NEIL1: variants seen among roughly 807,000 people sequenced by gnomAD.
NEIL1 encodes the protein nei like DNA glycosylase 1.
NEIL1 carries 31 observed loss-of-function variants against 44.2 expected under a neutral mutation model. That is an observed-to-expected ratio of 0.70 (90% CI 0.53 to 0.95). NEIL1 has a LOEUF of 0.95. NEIL1 is among the 40% of genes least tolerant of loss of function. The probability of loss-of-function intolerance (pLI) is 0.00; values close to 1 mark genes in which losing one functional copy is unlikely to be tolerated. For missense variants in NEIL1, 549 were observed against 515.5 expected, an observed-to-expected ratio of 1.07 and a Z score of -0.63; for synonymous variants, 254 against 209.7, an observed-to-expected ratio of 1.21 and a Z score of -1.83.
At chr15:75,348,536 G>A (rs749450309) in intron 1 of NEIL1, 6 of 1,155,294 alleles carry the variant, frequency 5.2e-6, no homozygotes, top group East Asian at 5.4e-5. Flanking sequence ...GGGCCAAGGC[G>A]GAGATGAGAT....
At position 75,348,880 on chromosome 15, in the gene NEIL1, ACAGGACTCTG is replaced by A. The variant is rs762448798; in HGVS notation, c.-22-2_-15del. ...GCTCAACCCGCTGCCTTCCTCCCCA[ACAGGACTCTG>A]CCACCCTCCCTCAGGATGCCTGAGG... On this transcript the variant is annotated splice_acceptor_variant and splice_polypyrimidine_tract_variant and 5_prime_UTR_variant and intron_variant, in exon 2 of 10. Coordinates refer to ENST00000355059, the MANE Select transcript of NEIL1 (RefSeq NM_024608.4). LOFTEE classifies it low-confidence loss of function (5UTR_SPLICE). The A allele has an allele frequency of 6.2e-7, 1 of 1,605,144 alleles. No homozygotes were observed. Among genetic ancestry groups the A allele is most frequent in the African/African-American group, 1.3e-5 (1 of 74,906 alleles).
Position 75,355,886 on chromosome 15 carries a change from A to C in NEIL1, c.*852A>C. The C allele has an allele frequency of 6.2e-7, 1 of 1,612,992 alleles. No individual in the cohort carries two copies. Among genetic ancestry groups the C allele is most frequent in the Middle Eastern group, 1.7e-4 (1 of 6,056 alleles). On this transcript the variant is annotated 3_prime_UTR_variant, in exon 10 of 10. Transcript: ENST00000355059. ...GGAGTCCCCAGAGCCTTCTACAAAC[A>C]AAACCCCAGCCCCAGGGACTCAGTG...
intron 4 of NEIL1, 60 bp from the exon 5 acceptor site, chr15:75,352,542 G>A (rs552351710): frequency 1.7e-5 from 27 of 1,565,742 alleles, no homozygotes; most frequent in Non-Finnish European, 2.0e-5. Flanking sequence ...TCAGAGAGAA[G>A]GTCAGCTGCC....
At position 75,352,674 on chromosome 15, in the gene NEIL1, T is replaced by G. The variant is rs1221555207; in HGVS notation, c.691T>G (p.Ser231Ala). The G allele has an allele frequency of 1.2e-6, 2 of 1,612,652 alleles. No individual in the cohort carries two copies. Among genetic ancestry groups the G allele is most frequent in the African/African-American group, 1.3e-5 (1 of 74,884 alleles). The change falls in exon 5 of 10, where the codon TCA becomes GCA. Residue 231 changes from serine to alanine, a missense_variant. Transcript: ENST00000355059. ...TCCAGACCTGCTGGAGCTATGTCAC[T>G]CAGTGCCCAAGGAAGTGGTCCAGTT... is the stretch of plus-strand genomic sequence containing the variant. Reference protein sequence around the residue: ...QNPDLLELCHSVPKEVVQLGG... With the variant: ...QNPDLLELCHAVPKEVVQLGG...
rs1439941660 is a variant in NEIL1, at chr15:75,356,717, T to C, written c.*1683T>C. ...TGAGGAGGGCGCGTAGGGGCCACGCTGAAGCTGTTGGAGTTGTGGTCGGGA... is the reference window on the plus strand; with the variant it reads ...TGAGGAGGGCGCGTAGGGGCCACGCCGAAGCTGTTGGAGTTGTGGTCGGGA... On this transcript the variant is annotated 3_prime_UTR_variant, in exon 10 of 10. Transcript: ENST00000355059. The surrounding 1 kb of genome is among the most constrained non-coding windows in gnomAD (Gnocchi z 5.8). 1.4e-5 allele frequency: 22 copies of C among 1,611,942 alleles called. No individual in the cohort carries two copies. The highest frequency in any genetic ancestry group is 1.7e-5 in the Non-Finnish European group (20 of 1,178,988).
chr15:75,352,491 A>C, intron 4 of NEIL1, 104 bp downstream of exon 4: 1 of 1,532,102 alleles, frequency 6.5e-7, no homozygotes, highest in Non-Finnish European at 9.0e-7. Flanking sequence ...GCTCAACAAC[A>C]GGGGTGGGGA....
At chr15:75,353,988 TC>T (rs1284181186) in intron 6 of NEIL1, 122 bp downstream of exon 6, 2 of 1,343,294 alleles carry the variant, frequency 1.5e-6, no homozygotes, top group Non-Finnish European at 1.0e-6. Flanking sequence ...ACCACACTGT[TC>T]CTGAGGGTCA....
In NEIL1 at chr15:75,355,204, T is replaced by A; in HGVS notation, c.*170T>A. The A allele has an allele frequency of 1.6e-6, 1 of 608,816 alleles. No individual in the cohort carries two copies. Among genetic ancestry groups the A allele is most frequent in the East Asian group, 2.9e-5 (1 of 34,814 alleles). The allele number at this position is 608,816 out of a possible 1,614,324, so 37.7% of individuals were successfully genotyped here. A position where few individuals can be genotyped will look rare whatever the true frequency, so the allele number is the denominator to read the frequency against. On this transcript the variant is annotated 3_prime_UTR_variant, in exon 10 of 10. Coordinates refer to ENST00000355059, the MANE Select transcript of NEIL1 (RefSeq NM_024608.4). Reference sequence around the variant, plus strand: ...ACCCCATCTTCCACATCTTTAAAGCTCATGTGAAAAATGCTGCATTTTTAA... The same window carrying A: ...ACCCCATCTTCCACATCTTTAAAGCACATGTGAAAAATGCTGCATTTTTAA...
chr15:75,349,586 CG>C (rs1188795723), intron 2 of NEIL1: 1 of 517,920 alleles, frequency 1.9e-6, no homozygotes, highest in African/African-American at 1.9e-5. Context: ...GAAGCCGAGG[CG>C]GGCAGATCAC....
chr15:75,356,468 A>T lies in NEIL1; in HGVS notation c.*1434A>T. ...AAAGAGCCTGGGGTACGACCAGGAA[A>T]CAATGCTGGTGGAGAATGGGGGCTA... is the stretch of plus-strand genomic sequence containing the variant. On this transcript the variant is annotated 3_prime_UTR_variant, in exon 10 of 10. Transcript: ENST00000355059. This position sits in a 1 kb window ranked among gnomAD's most constrained non-coding sequence, Gnocchi z 5.8. The T allele has an allele frequency of 6.3e-7, 1 of 1,585,236 alleles. No homozygotes were observed. Among genetic ancestry groups the T allele is most frequent in the Non-Finnish European group, 8.6e-7 (1 of 1,167,322 alleles).
chr15:75,353,639 C>T (rs778589593), intron 5 of NEIL1, 100 bp from the exon 6 acceptor site: 45 of 1,271,506 alleles, frequency 3.5e-5, no homozygotes, highest in Admixed American at 8.4e-5. Context: ...CTCAGTCCAT[C>T]AGCTTGTGTA....
In NEIL1 at chr15:75,356,370, T is replaced by C. The variant is rs987455001; in HGVS notation, c.*1336T>C. On this transcript the variant is annotated 3_prime_UTR_variant, in exon 10 of 10. Coordinates refer to ENST00000355059, the MANE Select transcript of NEIL1 (RefSeq NM_024608.4). The surrounding 1 kb of genome is among the most constrained non-coding windows in gnomAD (Gnocchi z 5.8). Reference sequence around the variant, plus strand: ...ACGCACTCCAGGAGGTGGCGGGCGCTGGGCTGGGGGCTGGCAGAGCCAACA... The same window carrying C: ...ACGCACTCCAGGAGGTGGCGGGCGCCGGGCTGGGGGCTGGCAGAGCCAACA... The C allele has an allele frequency of 6.8e-6, 11 of 1,611,488 alleles. No homozygotes were observed. The highest frequency in any genetic ancestry group is 3.4e-5 in the Admixed American group (2 of 59,612).
At chr15:75,348,053 G>C in intron 1 of NEIL1, 1 of 1,078,710 alleles carries the variant, frequency 9.3e-7, no homozygotes, top group Non-Finnish European at 1.2e-6. Flanking sequence ...CCCCACCCCA[G>C]GGACCAGGCG....
In NEIL1 at chr15:75,352,338, C is replaced by A. The variant is rs144060219; in HGVS notation, c.569C>A (p.Pro190His). The A allele has an allele frequency of 3.0e-5, 48 of 1,614,190 alleles. No individual in the cohort carries two copies. Among genetic ancestry groups the A allele is most frequent in the East Asian group, 1.8e-4 (8 of 44,888 alleles). Reference protein sequence around the residue: ...AEILYRLKIPPFEKARSVLEA... With the variant: ...AEILYRLKIPHFEKARSVLEA... The stretch of plus-strand genomic sequence containing the variant: ...CCCCACTACAGGCTGAAGATCCCCC[C>A]CTTTGAGAAGGCCCGCTCGGTCCTG... The change falls in exon 4 of 10, where the codon CCC (proline) becomes CAC (histidine). Residue 190 changes from proline (P) to histidine (H), a missense_variant. By Grantham distance (77) the Pro-to-His change is moderately conservative (BLOSUM62 -2). Transcript: ENST00000355059.
intron 2 of NEIL1, among the ~76,000 whole-genome samples, chr15:75,351,751 T>G (rs1005189934): frequency 6.6e-5 from 10 of 152,008 alleles, no homozygotes; most frequent in African/African-American, 2.4e-4. Context: ...GCCTCCCAAG[T>G]AGCTGGGATT....
At chr15:75,348,029 G>A (rs1207401390) in intron 1 of NEIL1, 1 of 1,157,046 alleles carries the variant, frequency 8.6e-7, no homozygotes. Context: ...GGGCGGAGGT[G>A]AGGAGTCGAT....
chr15:75,349,297 C>T lies in NEIL1; in HGVS notation c.392C>T (p.Pro131Leu), dbSNP rs771218669. 4.3e-6 allele frequency: 7 copies of T among 1,610,650 alleles called. No individual in the cohort carries two copies. The highest frequency in any genetic ancestry group is 1.7e-5 in the Admixed American group (1 of 59,948). ...GRWDLGGKWQ[P>L]GRGPCVLQEY... Reference sequence around the variant, plus strand: ...TGGGACCTTGGGGGAAAGTGGCAGCCGGGCCGCGGGCCCTGTGTCTTGCAG... The same window carrying T: ...TGGGACCTTGGGGGAAAGTGGCAGCTGGGCCGCGGGCCCTGTGTCTTGCAG... Residue 131 changes from proline (P) to leucine (L), a missense_variant, in exon 2 of 10, where the codon CCG (proline) becomes CTG (leucine). By Grantham distance (98) the Pro-to-Leu change is moderately conservative. Transcript: ENST00000355059.
chr15:75,352,382 A>AGGCCGGTG lies in NEIL1; in HGVS notation c.618+2_618+3insGGGCCGGT. 1 of 1,613,728 alleles carries AGGCCGGTG rather than the reference A, an allele frequency of 6.2e-7. No individual in the cohort carries two copies. Among genetic ancestry groups the AGGCCGGTG allele is most frequent in the South Asian group, 1.1e-5 (1 of 91,062 alleles). On this transcript the variant is annotated frameshift_variant, in exon 4 of 10. Transcript: ENST00000355059. LOFTEE classifies it high-confidence loss of function. ...GGTCCTGGAGGCCCTGCAGCAGCAC[A>AGGCCGGTG]GGCCGGTAAGCCCAGAGAGGGATGG...
chr15:75,348,787 C>T (rs865999210), intron 1 of NEIL1, 97 bp from the exon 2 acceptor site: 3 of 1,505,038 alleles, frequency 2.0e-6, no homozygotes, highest in Non-Finnish European at 1.8e-6. Flanking sequence ...GCCACATGCC[C>T]ATCTGACCCT....
Sources: allele counts gnomAD v4.1 joint callset (sites outside exome capture counted in the v4.1 genomes callset), GRCh38; gene constraint gnomAD v4.1.1; non-coding constraint Gnocchi (gnomAD v3.1); transcripts MANE v1.5; gene names NCBI Gene and HGNC (gene_info 2026-07-23, HGNC 2026-07-21).